ULK2: variants seen among roughly 807,000 people sequenced by gnomAD.
The protein encoded by ULK2 is serine/threonine-protein kinase ULK2.
In ULK2, 76 loss-of-function variants were observed where a neutral mutation model predicts 127.5. The observed-to-expected ratio is 0.60, with a 90% CI of 0.50 to 0.72. The LOEUF (loss-of-function observed/expected upper bound fraction) is 0.72. Among genes scored for constraint, ULK2 ranks in the 30% least tolerant of loss-of-function variants. The probability of loss-of-function intolerance (pLI) is 0.00; values close to 1 mark genes in which losing one functional copy is unlikely to be tolerated. For missense variants in ULK2, 1,144 were observed against 1,295.9 expected (o/e 0.88, Z 1.80); for synonymous variants, 452 against 461.9 (o/e 0.98, Z 0.28).
intron 22 of ULK2, 58 bp downstream of exon 22, chr17:19,783,639 T>C: frequency 4.4e-6 from 6 of 1,354,318 alleles, no homozygotes; most frequent in African/African-American, 3.0e-5. Context: ...TTGTCATCAC[T>C]AGAATGTTCT....
chr17:19,865,709 T>A (rs780488132), intron 2 of ULK2, 27 bp downstream of exon 2: 2 of 1,327,672 alleles, frequency 1.5e-6, no homozygotes, highest in East Asian at 5.0e-5. Flanking sequence ...TAACCTTATA[T>A]GAATACTACT....
chr17:19,848,402 G>A (rs968997128), intron 5 of ULK2: 2 of 152,174 alleles, frequency 1.3e-5, no homozygotes, highest in African/African-American at 2.4e-5. Flanking sequence ...GTGAAATACT[G>A]TGGTTTTAAA....
Position 19,783,737 on chromosome 17 carries a change from G to A in ULK2, c.2420C>T (p.Thr807Ile). 1.3e-6 allele frequency: 2 copies of A among 1,592,064 alleles called. No homozygotes were observed. The highest frequency in any genetic ancestry group is 1.3e-5 in the African/African-American group (1 of 74,222). ...ASPPSLEGLI[T>I]FEAPELPEET... The stretch of plus-strand genomic sequence containing the variant: ...CTCCGGCAGTTCAGGGGCTTCAAAG[G>A]TGATGAGCCCCTCTAGGCTGGGGGG... The change falls in exon 22 of 27, where the codon ACC becomes ATC. Residue 807 changes from threonine to isoleucine, a missense_variant. Coordinates refer to ENST00000395544, the MANE Select transcript of ULK2 (RefSeq NM_014683.4).
At chr17:19,802,387 G>T (rs1190904131) in intron 15 of ULK2, among the ~76,000 whole-genome samples, 1 of 151,944 alleles carries the variant, frequency 6.6e-6, no homozygotes, top group East Asian at 1.9e-4. Flanking sequence ...ATTAAGCTGA[G>T]AATTTTTAAG....
rs2086897845 is a variant in ULK2 at position 19,780,594 on chromosome 17, T to G, written c.2794A>C (p.Ile932Leu). ...KNLNERYKFC[I>L]TMCKKLTEKL... ...TCTGTAAGTTTCTTGCACATGGTGATGCAGAATTTATATCGTTCGTTCAGA... is the reference window on the plus strand; with the variant it reads ...TCTGTAAGTTTCTTGCACATGGTGAGGCAGAATTTATATCGTTCGTTCAGA... The change falls in exon 25 of 27, where the codon ATC becomes CTC. Residue 932 changes from isoleucine to leucine, a missense_variant. Physicochemically the swap from Ile to Leu is conservative, Grantham distance 5. Coordinates refer to ENST00000395544, the MANE Select transcript of ULK2 (RefSeq NM_014683.4). The G allele has an allele frequency of 6.2e-7, 1 of 1,612,586 alleles. No individual in the cohort carries two copies. The highest frequency in any genetic ancestry group is 8.5e-7 in the Non-Finnish European group (1 of 1,179,576).
intron 23 of ULK2, among the ~76,000 whole-genome samples, chr17:19,781,435 A>G (rs1047962503): frequency 9.9e-5 from 15 of 151,688 alleles, no homozygotes; most frequent in Non-Finnish European, 2.2e-4. Context: ...TTTTGTAGAG[A>G]CAGGGATTCA....
chr17:19,790,566 A>C (rs1041944472), intron 20 of ULK2, among the ~76,000 whole-genome samples: 2 of 152,194 alleles, frequency 1.3e-5, no homozygotes, highest in Non-Finnish European at 2.9e-5. Context: ...CTTCACTAAA[A>C]GCAAGAAAGA....
chr17:19,814,929 T>C (rs561560410), intron 13 of ULK2, among the ~76,000 whole-genome samples: 1 of 152,298 alleles, frequency 6.6e-6, no homozygotes, highest in African/African-American at 2.4e-5. Context: ...TTTAGTTATA[T>C]TATACAATTC....
At position 19,795,681 on chromosome 17, in the gene ULK2, G is replaced by A; in HGVS notation, c.2042C>T (p.Pro681Leu). ...GKLSDQQGKTPICRHQGSTDS... is the reference protein window; with the variant it reads ...GKLSDQQGKTLICRHQGSTDS... ...TGTGCTGCCCTGATGTCGACATATA[G>A]GAGTCTTTCCTTGTTGATCTGATAA... is the stretch of plus-strand genomic sequence containing the variant. Residue 681 changes from proline to leucine, a missense_variant, in exon 20 of 27, where the codon CCT (proline) becomes CTT (leucine). Coordinates refer to ENST00000395544, the MANE Select transcript of ULK2 (RefSeq NM_014683.4). The A allele has an allele frequency of 6.2e-7, 1 of 1,614,102 alleles. No individual in the cohort carries two copies. Among genetic ancestry groups the A allele is most frequent in the South Asian group, 1.1e-5 (1 of 91,068 alleles).
chr17:19,824,857 C>T (rs940283500), intron 12 of ULK2, among the ~76,000 whole-genome samples: 2 of 152,168 alleles, frequency 1.3e-5, no homozygotes, highest in African/African-American at 2.4e-5. Context: ...ACTCACTGTT[C>T]AGAGGAAAAT....
intron 20 of ULK2, among the ~76,000 whole-genome samples, chr17:19,794,780 A>G (rs1384205940): frequency 6.6e-6 from 1 of 151,954 alleles, no homozygotes; most frequent in African/African-American, 2.4e-5. Context: ...GGTGTCCACA[A>G]TAATCACCTG....
chr17:19,807,964 G>A (rs2087549238), intron 14 of ULK2, among the ~76,000 whole-genome samples: 1 of 152,142 alleles, frequency 6.6e-6, no homozygotes, highest in Non-Finnish European at 1.5e-5. Context: ...AAATTAGCCA[G>A]GCGTGGTGGC....
chr17:19,841,269 T>C (rs900530183), intron 9 of ULK2, among the ~76,000 whole-genome samples: 1 of 152,208 alleles, frequency 6.6e-6, no homozygotes, highest in Non-Finnish European at 1.5e-5. Context: ...AACTTCCGTA[T>C]CTTTTTCTTT....
At position 19,845,297 on chromosome 17, in the gene ULK2, C is replaced by T. The variant is rs746871243; in HGVS notation, c.543+7G>A. The T allele has an allele frequency of 3.7e-6, 6 of 1,612,082 alleles. No homozygotes were observed. Among genetic ancestry groups the T allele is most frequent in the Non-Finnish European group, 5.1e-6 (6 of 1,178,602 alleles). ...TTAAACACACAAGGATGCAAACACT[C>T]ACTCACCATGTACATCGGGGATCCA... On this transcript the variant is annotated splice_region_variant and intron_variant, in intron 7 of 26. Coordinates refer to ENST00000395544, the MANE Select transcript of ULK2 (RefSeq NM_014683.4).
At chr17:19,815,956 T>C (rs1268374535) in intron 13 of ULK2, among the ~76,000 whole-genome samples, 1 of 152,362 alleles carries the variant, frequency 6.6e-6, no homozygotes, top group South Asian at 2.1e-4. Flanking sequence ...TAAACTGCCA[T>C]GGCACTGCTG....
At chr17:19,783,943 T>TATATATATATATATATA in intron 21 of ULK2, 38 bp from the exon 22 acceptor site, 1 of 1,384,832 alleles carries the variant, frequency 7.2e-7, no homozygotes, top group Non-Finnish European at 9.4e-7. Context: ...GTGTCCAGAG[T>TATATATATATATATATA]TAGGGCTTTC....
At chr17:19,847,329 T>C (rs2041907474) in intron 5 of ULK2, among the ~76,000 whole-genome samples, 1 of 152,136 alleles carries the variant, frequency 6.6e-6, no homozygotes, top group Non-Finnish European at 1.5e-5. Context: ...TGAGCACAAA[T>C]TAAAAACAAG....
chr17:19,855,099 C>CA (rs59428848), intron 3 of ULK2, among the ~76,000 whole-genome samples: 1,868 of 100,520 alleles, frequency 0.019, 18 homozygotes, highest in Non-Finnish European at 0.026. Context: ...GATTCCATCT[C>CA]AAAAAAAAAA....
At chr17:19,860,474 G>A (rs565667450) in intron 3 of ULK2, among the ~76,000 whole-genome samples, 1 of 150,944 alleles carries the variant, frequency 6.6e-6, no homozygotes, top group South Asian at 2.1e-4. Context: ...AAAGTATTAG[G>A]TCAAAACTCT....
Sources: gnomAD v4.1 joint callset for allele counts (sites outside exome capture counted in the v4.1 genomes callset) on GRCh38, gnomAD v4.1.1 for gene constraint, MANE v1.5 for transcripts, NCBI Gene and HGNC (gene_info 2026-07-23, HGNC 2026-07-21) for gene names.